SVIL: variants seen among roughly 807,000 people sequenced by gnomAD.
SVIL encodes the protein supervillin.
A neutral mutation model predicts 240.4 loss-of-function variants in SVIL; 101 were observed. That is an observed-to-expected ratio of 0.42 (90% confidence interval 0.36 to 0.50). The LOEUF (loss-of-function observed/expected upper bound fraction) is 0.50. SVIL is among the 20% of genes least tolerant of loss of function. The pLI is 0.01. For synonymous variants in SVIL, 999 were observed against 1,100.0 expected (o/e 0.91, Z 1.82); for missense variants, 2,512 against 2,818.7 (o/e 0.89, Z 2.46).
intron 1 of SVIL, among the ~76,000 whole-genome samples, chr10:29,734,769 G>C (rs1486062786): frequency 6.6e-6 from 1 of 152,176 alleles, no homozygotes; most frequent in African/African-American, 2.4e-5. Context: ...CTGTTCAGAT[G>C]CTGAGAAACA....
At chr10:29,568,690 A>G (rs1420043097) in intron 2 of SVIL, among the ~76,000 whole-genome samples, 1 of 152,202 alleles carries the variant, frequency 6.6e-6, no homozygotes, top group Admixed American at 6.5e-5. Flanking sequence ...ATTAGCACCC[A>G]TAATATTCTG....
Position 29,533,031 on chromosome 10 carries a change from T to G in SVIL, c.1336A>C (p.Thr446Pro). The G allele has an allele frequency of 1.2e-6, 2 of 1,614,144 alleles. No individual in the cohort carries two copies. Among genetic ancestry groups the G allele is most frequent in the South Asian group, 2.2e-5 (2 of 91,082 alleles). The stretch of plus-strand genomic sequence containing the variant: ...TTCTTGCTTTGCTCGAGAGCTTCAG[T>G]GAAGCACACATCTTCTTCTTTTTCT... Reference protein sequence around the residue: ...GEEKEEDVCFTEALEQSKKTL... With the variant: ...GEEKEEDVCFPEALEQSKKTL... The change falls in exon 8 of 38, where the codon ACT becomes CCT. Residue 446 changes from threonine to proline, a missense_variant. Transcript: ENST00000355867.
intron 1 of SVIL, among the ~76,000 whole-genome samples, chr10:29,720,530 A>G (rs1963908543): frequency 6.6e-6 from 1 of 152,260 alleles, no homozygotes; most frequent in Non-Finnish European, 1.5e-5. Context: ...AAAATGCTAA[A>G]GTAAATTATT....
chr10:29,644,530 C>T (rs1958593175), intron 3 of SVIL, among the ~76,000 whole-genome samples: 1 of 152,154 alleles, frequency 6.6e-6, no homozygotes, highest in East Asian at 1.9e-4. Context: ...CACAGAAGCC[C>T]GATAAGCTTG....
chr10:29,502,344 GAACA>G (rs1209261751), intron 17 of SVIL, among the ~76,000 whole-genome samples: 1 of 152,088 alleles, frequency 6.6e-6, no homozygotes, highest in Non-Finnish European at 1.5e-5. Context: ...CAAAATGTGA[GAACA>G]AAGAAGATAT....
chr10:29,582,643 G>C (rs1955994847), intron 1 of SVIL, among the ~76,000 whole-genome samples: 1 of 151,884 alleles, frequency 6.6e-6, no homozygotes, highest in Non-Finnish European at 1.5e-5. Flanking sequence ...GAGAAGTGAG[G>C]ATTACTTAAG....
rs564282575 is a variant in SVIL at position 29,646,789 on chromosome 10, C to T, written c.-201+11180G>A. On this transcript the variant is annotated intron_variant, in intron 3 of 35. Coordinates refer to the SVIL transcript ENST00000375400. ...GTCACAAACCTAACATGGGAACCCA[C>T]GAGGCAAACATCAGAGAAGCAACAT... 3.9e-5 allele frequency among the ~76,000 whole-genome samples: 6 copies of T among 152,192 alleles called. No homozygotes were observed. The East Asian group carries it at 7.7e-4, about 20-fold the overall frequency.
rs765506521 is a variant in SVIL at position 29,729,984 on chromosome 10, GCT to G, written c.-400+5765_-400+5766del. Among the ~76,000 whole-genome samples, 14 of 151,478 alleles carry G rather than the reference GCT, an allele frequency of 9.2e-5. No individual in the cohort carries two copies. The South Asian group carries it at 1.9e-3, about 20-fold the overall frequency. On this transcript the variant is annotated intron_variant, in intron 1 of 35. Coordinates refer to the SVIL transcript ENST00000375400. ...CAGAAGGATCACTTGAGCCCAGGGA[GCT>G]CGAGACCAGCCTGGGCAACATTTCT...
At chr10:29,637,800 G>A (rs148516829), upstream of SVIL, among the ~76,000 whole-genome samples, 605 of 152,310 alleles carry the variant, frequency 4.0e-3, 6 homozygotes, top group African/African-American at 0.012. Flanking sequence ...TTATTAGTAC[G>A]TTCCACGACC....
intron 10 of SVIL, 126 bp from the exon 11 acceptor site, chr10:29,530,794 G>A (rs1323764508): frequency 4.9e-6 from 5 of 1,024,678 alleles, no homozygotes; most frequent in Admixed American, 4.0e-5. Flanking sequence ...AATAATAATT[G>A]GTGGTAGTTT....
rs549972532 is a variant in SVIL at position 29,522,344 on chromosome 10, T to C, written c.3389+66A>G. On this transcript the variant is annotated intron_variant, in intron 16 of 37. Transcript: ENST00000355867. ...ATCTCTTTGCCCATCACCGAGATTG[T>C]TTTCTAAAAGCAAGCTGTAAGCTCC... 3.9e-6 allele frequency: 6 copies of C among 1,519,824 alleles called. No homozygotes were observed. The South Asian group carries it at 6.9e-5, about 17-fold the overall frequency. 94.1% of individuals were successfully genotyped at this position (1,519,824 alleles called of 1,614,324 possible).
chr10:29,636,345 G>C (rs1236351545), upstream of SVIL, among the ~76,000 whole-genome samples: 1 of 152,134 alleles, frequency 6.6e-6, no homozygotes, highest in African/African-American at 2.4e-5. Flanking sequence ...CACTATTTGG[G>C]TCTTCTCTGT....
intron 1 of SVIL, among the ~76,000 whole-genome samples, chr10:29,574,884 G>T (rs1193393891): frequency 6.6e-6 from 1 of 152,230 alleles, no homozygotes; most frequent in African/African-American, 2.4e-5. Flanking sequence ...TGATCCCACA[G>T]ACCTTGCTCG....
At chr10:29,502,697 G>T (rs1156697815) in intron 17 of SVIL, among the ~76,000 whole-genome samples, 1 of 151,822 alleles carries the variant, frequency 6.6e-6, no homozygotes, top group African/African-American at 2.4e-5. Flanking sequence ...GGGTGGGTGG[G>T]TGTGTGTGTG....
In SVIL at chr10:29,458,003, T is replaced by TAACA. The variant is rs1296399493; in HGVS notation, c.*240_*243dup. ...ATAGCAGCTGCGGCTTAAGTGCACA[T>TAACA]AACAGATACTTTTATTAATTCTGAT... On this transcript the variant is annotated 3_prime_UTR_variant, in exon 38 of 38. Coordinates refer to ENST00000355867, the MANE Select transcript of SVIL (RefSeq NM_021738.3). 7.7e-5 allele frequency: 32 copies of TAACA among 414,166 alleles called. 1 individual carries two copies. The highest frequency in any genetic ancestry group is 7.7e-5 in the Non-Finnish European group (18 of 232,578). 25.7% of individuals were successfully genotyped at this position (414,166 alleles called of 1,614,324 possible). A position where few individuals can be genotyped will look rare whatever the true frequency, so the allele number is the denominator to read the frequency against.
intron 20 of SVIL, among the ~76,000 whole-genome samples, chr10:29,494,235 A>G (rs1208179339): frequency 6.6e-6 from 1 of 152,124 alleles, no homozygotes; most frequent in Non-Finnish European, 1.5e-5. Context: ...TCGTTTGCTG[A>G]CCCACGGGCT....
chr10:29,606,077 A>C (rs1720682844), intron 1 of SVIL, among the ~76,000 whole-genome samples: 1 of 151,890 alleles, frequency 6.6e-6, no homozygotes, highest in Admixed American at 6.6e-5. Flanking sequence ...CGCGCAGTTA[A>C]TTTTTGTATT....
chr10:29,464,196 G>A (rs1944615031), intron 34 of SVIL, among the ~76,000 whole-genome samples: 1 of 152,134 alleles, frequency 6.6e-6, no homozygotes, highest in African/African-American at 2.4e-5. Flanking sequence ...CAGTGCTTTG[G>A]GAGGCTGAGG....
intron 21 of SVIL, among the ~76,000 whole-genome samples, chr10:29,492,968 G>A (rs190298297): frequency 6.6e-6 from 1 of 152,208 alleles, no homozygotes; most frequent in Non-Finnish European, 1.5e-5. Flanking sequence ...CACAGGACAA[G>A]CATCTGTGGC....
Sources: allele counts gnomAD v4.1 joint callset (sites outside exome capture counted in the v4.1 genomes callset), GRCh38; gene constraint gnomAD v4.1.1; transcripts MANE v1.5; gene names NCBI Gene and HGNC (gene_info 2026-07-23, HGNC 2026-07-21).